Variants in RYR3 observed in about 807,000 individuals in gnomAD.
The protein encoded by RYR3 is ryanodine receptor 3, also known as brain ryanodine receptor-calcium release channel.
A neutral mutation model predicts 584.3 loss-of-function variants in RYR3; 207 were observed. The ratio of observed to expected loss-of-function variants is 0.35; its 90% confidence interval spans 0.32 to 0.40. The LOEUF (loss-of-function observed/expected upper bound fraction) is 0.40. RYR3 is among the 10% of genes least tolerant of loss of function. The pLI is 1.00. For synonymous variants in RYR3, 2,416 were observed against 2,248.5 expected (o/e 1.07, Z -2.11); for missense variants, 5,616 against 6,089.2 (o/e 0.92, Z 2.59).
chr15:33,555,336 G>A (rs1177964946), intron 10 of RYR3, among the ~76,000 whole-genome samples: 2 of 152,206 alleles, frequency 1.3e-5, no homozygotes, highest in Non-Finnish European at 2.9e-5. Flanking sequence ...ATCCACTGGG[G>A]AAAGGGAGGG....
chr15:33,311,604 C>T lies in RYR3; in HGVS notation c.51+508C>T, dbSNP rs1967303070. On this transcript the variant is annotated intron_variant, in intron 1 of 103. Transcript: ENST00000634891. This position sits in a 1 kb window ranked among gnomAD's most constrained non-coding sequence, Gnocchi z 4.4. ...GGGAGCCGGGTCGGAGAAGCGGGCG[C>T]AGGCGCTTGGTCCTAGCCCTGGGAT... 6.6e-6 allele frequency among the ~76,000 whole-genome samples: 1 copy of T among 152,180 alleles called. No homozygotes were observed. The highest frequency in any genetic ancestry group is 1.5e-5 in the Non-Finnish European group (1 of 68,024).
Position 33,701,671 on chromosome 15 carries a change from G to A in RYR3, c.6483+591G>A, listed in dbSNP as rs1013348200. ...GGGGAGGGGGGTGGAGAGGAGGGAC[G>A]TGGGCAAGTCAAAGACAAATCAAAG... On this transcript the variant is annotated intron_variant, in intron 42 of 103. Coordinates refer to ENST00000634891, the MANE Select transcript of RYR3 (RefSeq NM_001036.6). Among the ~76,000 whole-genome samples the A allele has an allele frequency of 1.2e-4, 19 of 152,026 alleles. 1 individual carries two copies. The highest frequency in any genetic ancestry group is 2.4e-4 in the African/African-American group (10 of 41,384).
rs1358620300 is a variant in RYR3, at chr15:33,634,670, C to T, written c.3112C>T (p.Arg1038Trp). Residue 1038 changes from arginine to tryptophan, a missense_variant, in exon 25 of 104, where the codon CGG (arginine) becomes TGG (tryptophan). Around this residue, in one of 9 missense-constraint regions of RYR3, gnomAD observed 1,284 missense variants for 1,344.6 expected, o/e 0.95. Coordinates refer to ENST00000634891, the MANE Select transcript of RYR3 (RefSeq NM_001036.6). ...CAAGAAGTCAAACAGGGACAGCCTG[C>T]GGGAAGCTGTGCGCACTTTTGTTGG... ...RTKKSNRDSL[R>W]EAVRTFVGYG... The T allele has an allele frequency of 2.5e-6, 4 of 1,613,794 alleles. No individual in the cohort carries two copies. Among genetic ancestry groups the T allele is most frequent in the South Asian group, 1.1e-5 (1 of 91,078 alleles).
intron 33 of RYR3, among the ~76,000 whole-genome samples, 190 bp from the exon 34 acceptor site, chr15:33,660,007 T>C (rs1188401818): frequency 2.0e-5 from 3 of 152,160 alleles, no homozygotes; most frequent in Non-Finnish European, 2.9e-5. Context: ...CTCTTTTGGG[T>C]GCTGAAAGAA....
chr15:33,490,647 G>A (rs1163054005), intron 2 of RYR3, among the ~76,000 whole-genome samples: 1 of 150,144 alleles, frequency 6.7e-6, no homozygotes, highest in Non-Finnish European at 1.5e-5. Flanking sequence ...AGAGCTTTTA[G>A]AATTTAATAC....
chr15:33,545,120 C>T (rs1163628936), intron 8 of RYR3, among the ~76,000 whole-genome samples: 1 of 152,070 alleles, frequency 6.6e-6, no homozygotes, highest in Non-Finnish European at 1.5e-5. Context: ...TCAGGGTTTT[C>T]CTAGTTCATT....
intron 18 of RYR3, among the ~76,000 whole-genome samples, chr15:33,606,198 TCA>T (rs1399160263): frequency 6.6e-6 from 1 of 152,188 alleles, no homozygotes; most frequent in Non-Finnish European, 1.5e-5. Context: ...TCTCAGAGAC[TCA>T]GTTTTCCTCT....
intron 20 of RYR3, among the ~76,000 whole-genome samples, chr15:33,626,566 T>C (rs565864433): frequency 1.3e-5 from 2 of 152,214 alleles, no homozygotes; most frequent in South Asian, 2.1e-4. Context: ...ACCAAGGCAA[T>C]GGGGAAAATG....
At chr15:33,711,235 A>T (rs77297029) in intron 43 of RYR3, among the ~76,000 whole-genome samples, 217 of 75,768 alleles carry the variant, frequency 2.9e-3, no homozygotes, top group African/African-American at 0.011. Flanking sequence ...TCTTTCTTTC[A>T]TTTTTTTTTT....
Position 33,659,701 on chromosome 15 carries a change from G to A in RYR3, c.4309-19G>A, listed in dbSNP as rs199545345. On this transcript the variant is annotated intron_variant, in intron 32 of 103. Transcript: ENST00000634891. ...TTGTCCAGCTCTGGGCAAAGCTTTCGATTTGTTTTGATTTCCAGGTGGAGC... is the reference window on the plus strand; with the variant it reads ...TTGTCCAGCTCTGGGCAAAGCTTTCAATTTGTTTTGATTTCCAGGTGGAGC... 5.1e-5 allele frequency: 79 copies of A among 1,562,194 alleles called. No individual in the cohort carries two copies. Among genetic ancestry groups the A allele is most frequent in the South Asian group, 2.8e-4 (25 of 89,666 alleles).
At chr15:33,648,042 T>C (rs888511032) in intron 30 of RYR3, among the ~76,000 whole-genome samples, 9 of 149,798 alleles carry the variant, frequency 6.0e-5, no homozygotes, top group African/African-American at 2.2e-4. Flanking sequence ...AACCCTTCTG[T>C]AAAGTTATCC....
At chr15:33,817,086 T>A in intron 75 of RYR3, 128 bp downstream of exon 75, 3 of 583,504 alleles carry the variant, frequency 5.1e-6, no homozygotes, top group Non-Finnish European at 9.3e-6. Flanking sequence ...GCACTAACTG[T>A]GTAAGTGCTC....
rs933239332 is a variant in RYR3 at position 33,539,474 on chromosome 15, A to C, written c.546+12A>C. ...CTGAAAGATACCTTGTAAGTACCTC[A>C]TAATATAAGAGTCTTCTGTTTTCAG... On this transcript the variant is annotated intron_variant, in intron 6 of 103. Coordinates refer to ENST00000634891, the MANE Select transcript of RYR3 (RefSeq NM_001036.6). 3.3e-6 allele frequency: 5 copies of C among 1,499,466 alleles called. No homozygotes were observed. The African/African-American group carries it at 6.9e-5, about 21-fold the overall frequency. The allele number at this position is 1,499,466 out of a possible 1,614,324, so 92.9% of individuals were successfully genotyped here.
intron 1 of RYR3, among the ~76,000 whole-genome samples, chr15:33,315,199 C>T (rs112329914): frequency 3.9e-5 from 6 of 152,134 alleles, no homozygotes; most frequent in African/African-American, 1.2e-4. Flanking sequence ...GCAGCGCTCA[C>T]GTGAGCTCAT....
At chr15:33,570,755 TGTG>T (rs1399064412) in intron 12 of RYR3, among the ~76,000 whole-genome samples, 2 of 152,166 alleles carry the variant, frequency 1.3e-5, no homozygotes, top group African/African-American at 4.8e-5. Flanking sequence ...AGGAAGATAT[TGTG>T]GTTTTTATTA....
chr15:33,469,190 G>C (rs182502105), intron 1 of RYR3, among the ~76,000 whole-genome samples: 20 of 152,206 alleles, frequency 1.3e-4, no homozygotes, highest in African/African-American at 4.8e-4. Context: ...TTTAAACTAA[G>C]CTTAGAAGAA....
chr15:33,827,721 G>GA (rs1377171833), intron 85 of RYR3, among the ~76,000 whole-genome samples: 1 of 151,538 alleles, frequency 6.6e-6, no homozygotes, highest in African/African-American at 2.4e-5. Flanking sequence ...AAATTATATT[G>GA]AAAAAATCTA....
chr15:33,314,084 C>G (rs1008670237), intron 1 of RYR3, among the ~76,000 whole-genome samples: 2 of 152,192 alleles, frequency 1.3e-5, no homozygotes, highest in Non-Finnish European at 2.9e-5. Context: ...AAGACCTAAA[C>G]AAGGGCTTTG....
At chr15:33,830,078 G>A (rs547797456) in intron 85 of RYR3, among the ~76,000 whole-genome samples, 1 of 152,326 alleles carries the variant, frequency 6.6e-6, no homozygotes, top group Admixed American at 6.5e-5. Flanking sequence ...GCCAAAAAGG[G>A]ATTTAAAATT....
Sources: gnomAD v4.1 joint callset for allele counts (sites outside exome capture counted in the v4.1 genomes callset) on GRCh38, gnomAD v4.1.1 for gene constraint, gnomAD v4.1.1 regional missense constraint, Gnocchi (gnomAD v3.1) non-coding constraint, MANE v1.5 for transcripts, NCBI Gene and HGNC (gene_info 2026-07-23, HGNC 2026-07-21) for gene names.